The following NTRK1 variants were observed in gnomAD, a reference collection of about 807,000 sequenced individuals.
NTRK1 encodes the protein high affinity nerve growth factor receptor.
In NTRK1, 62 loss-of-function variants were observed where a neutral mutation model predicts 86.8. That is an observed-to-expected ratio of 0.71 (90% CI 0.58 to 0.88). The LOEUF is 0.88. Ranked by LOEUF, NTRK1 falls within the 40% of genes least tolerant of loss-of-function variation. The pLI, the probability that NTRK1 is intolerant of heterozygous loss-of-function variation, is 0.00. For synonymous variants in NTRK1, 469 were observed against 456.6 expected (o/e 1.03, Z -0.35); for missense variants, 967 against 1,078.4 (o/e 0.90, Z 1.45).
At chr1:156,864,108 G>C (rs1216157591) in intron 1 of NTRK1, among the ~76,000 whole-genome samples, 1 of 152,114 alleles carries the variant, frequency 6.6e-6, no homozygotes, top group East Asian at 1.9e-4. Context: ...TGAGGGTGTG[G>C]GGATCCATAT....
At position 156,833,758 on chromosome 1, in the gene NTRK1, G is replaced by A. The variant is rs763616895; in HGVS notation, c.-63-8323G>A. Among the ~76,000 whole-genome samples the A allele has an allele frequency of 3.9e-5, 6 of 152,160 alleles. No individual in the cohort carries two copies. In the East Asian group the frequency reaches 5.8e-4, roughly 15 times the overall value. ...CCACACTTCCCAGACTCCTTTGCCC[G>A]TTCTGTTAGGTTCTGCCAGTAGCAG... On this transcript the variant is annotated intron_variant, in intron 1 of 16. Coordinates refer to the NTRK1 transcript ENST00000392302.
chr1:156,831,627 G>A (rs1654468502), intron 1 of NTRK1, among the ~76,000 whole-genome samples: 1 of 152,120 alleles, frequency 6.6e-6, no homozygotes, highest in African/African-American at 2.4e-5. Flanking sequence ...AAGTCATCAG[G>A]GAGGGAAACT....
At chr1:156,849,041 G>C in intron 2 of NTRK1, 1 of 1,613,156 alleles carries the variant, frequency 6.2e-7, no homozygotes, top group Non-Finnish European at 8.5e-7. Flanking sequence ...CAGGGTGCGA[G>C]TCTGGCCTGG....
chr1:156,844,047 G>A (rs1361300915), intron 2 of NTRK1: 4 of 676,762 alleles, frequency 5.9e-6, no homozygotes, highest in Admixed American at 2.7e-5. Context: ...CTGTGCCACC[G>A]CAGGGGAAGA....
chr1:156,860,226 C>A (rs926575683), upstream of NTRK1, among the ~76,000 whole-genome samples: 12 of 152,174 alleles, frequency 7.9e-5, no homozygotes, highest in African/African-American at 2.9e-4. Flanking sequence ...CCAGCGCGGG[C>A]GGGGAGCTCG....
intron 1 of NTRK1, among the ~76,000 whole-genome samples, chr1:156,829,945 G>C (rs1481226032): frequency 1.3e-5 from 2 of 152,204 alleles, no homozygotes; most frequent in Non-Finnish European, 2.9e-5. Context: ...GAGCCACTAC[G>C]CTTGGCCCAG....
chr1:156,829,722 G>A (rs529962819), intron 1 of NTRK1, among the ~76,000 whole-genome samples: 2 of 152,052 alleles, frequency 1.3e-5, no homozygotes, highest in Admixed American at 1.3e-4. Context: ...GCACGATCTC[G>A]GCTCACGCAA....
At chr1:156,851,601 G>A (rs753138444) in intron 2 of NTRK1, 2 of 1,613,576 alleles carry the variant, frequency 1.2e-6, no homozygotes, top group Non-Finnish European at 1.7e-6. Context: ...CTGGGAGGAA[G>A]GGTATGACCA....
Position 156,870,032 on chromosome 1 carries a change from T to C in NTRK1, c.717+1385T>C, listed in dbSNP as rs1647460056. 2.6e-5 allele frequency among the ~76,000 whole-genome samples: 4 copies of C among 152,192 alleles called. No homozygotes were observed. The South Asian group carries it at 8.3e-4, about 32-fold the overall frequency. ...GCCACTGGGGCGCTGAGCAGGGGGC[T>C]TCAGACATGGTGGAGGGACAACTAG... On this transcript the variant is annotated intron_variant, in intron 6 of 16. Transcript: ENST00000524377.
At chr1:156,816,213 A>G in intron 1 of NTRK1, 8 of 1,440,822 alleles carry the variant, frequency 5.6e-6, no homozygotes, top group Non-Finnish European at 7.3e-6. Flanking sequence ...TAACGACAGG[A>G]AAAACGCAGA....
intron 2 of NTRK1, among the ~76,000 whole-genome samples, chr1:156,848,606 G>A (rs1355303842): frequency 2.6e-5 from 4 of 152,212 alleles, no homozygotes; most frequent in Non-Finnish European, 5.9e-5. Context: ...GGGCAGGAGC[G>A]TGTGGTCAGT....
intron 1 of NTRK1, 90 bp downstream of exon 1, chr1:156,861,236 A>G: frequency 7.7e-6 from 11 of 1,422,782 alleles, no homozygotes; most frequent in South Asian, 1.3e-5. Context: ...TTTGCTGGTC[A>G]GGCAGGACGA....
intron 1 of NTRK1, among the ~76,000 whole-genome samples, chr1:156,834,104 A>G (rs534804275): frequency 2.6e-4 from 39 of 152,158 alleles, no homozygotes; most frequent in Non-Finnish European, 5.3e-4. Context: ...TGTTTTCCTA[A>G]GGGGACGCCT....
chr1:156,858,005 C>T (rs1655470886), upstream of NTRK1, among the ~76,000 whole-genome samples: 1 of 152,154 alleles, frequency 6.6e-6, no homozygotes, highest in South Asian at 2.1e-4. Flanking sequence ...CAGTCTTCCC[C>T]CAAAACCAGC....
chr1:156,858,727 G>A, upstream of NTRK1: 3 of 916,434 alleles, frequency 3.3e-6, no homozygotes, highest in Non-Finnish European at 5.4e-6. Flanking sequence ...TCAGATAGGA[G>A]AGGGAGGGCA....
At chr1:156,859,525 C>CT (rs1278625486), upstream of NTRK1, among the ~76,000 whole-genome samples, 14 of 152,172 alleles carry the variant, frequency 9.2e-5, no homozygotes, top group Non-Finnish European at 2.1e-4. The surrounding 1 kb of genome is among the most constrained non-coding windows in gnomAD (Gnocchi z 6.2). Context: ...AGCCCTTGGC[C>CT]TCTGGGAGCC....
Position 156,860,968 on chromosome 1 carries a change from T to A in NTRK1, c.34T>A (p.Trp12Arg), listed in dbSNP as rs750297580. ...LRGGRRGQLG[W>R]HSWAAGPGSL... ...AGGCGGACGGCGCGGGCAGCTTGGC[T>A]GGCACAGCTGGGCTGCGGGGCCGGG... Residue 12 changes from tryptophan to arginine, a missense_variant, in exon 1 of 17, where the codon TGG becomes AGG. Physicochemically the swap from Trp to Arg is moderately radical, Grantham distance 101. Around this residue, in one of 2 missense-constraint regions of NTRK1, gnomAD observed 330 missense variants for 302.0 expected, o/e 1.09. Transcript: ENST00000524377. The A allele has an allele frequency of 6.6e-7, 1 of 1,514,074 alleles. No homozygotes were observed. Among genetic ancestry groups the A allele is most frequent in the South Asian group, 1.2e-5 (1 of 81,558 alleles). The allele number at this position is 1,514,074 out of a possible 1,614,324, so 93.8% of individuals were successfully genotyped here.
At chr1:156,824,249 G>A (rs1342491614) in intron 1 of NTRK1, among the ~76,000 whole-genome samples, 1 of 152,184 alleles carries the variant, frequency 6.6e-6, no homozygotes, top group Non-Finnish European at 1.5e-5. Context: ...TATGCTTGCA[G>A]CTCTGATCCC....
chr1:156,826,670 GT>G (rs1000967980), intron 1 of NTRK1, among the ~76,000 whole-genome samples: 8 of 152,198 alleles, frequency 5.3e-5, no homozygotes, highest in African/African-American at 1.9e-4. Flanking sequence ...AATCCAGGAT[GT>G]TTTTCTAACC....
Sources: allele counts gnomAD v4.1 joint callset (sites outside exome capture counted in the v4.1 genomes callset), GRCh38; gene constraint gnomAD v4.1.1; regional missense constraint gnomAD v4.1.1; non-coding constraint Gnocchi (gnomAD v3.1); transcripts MANE v1.5; gene names NCBI Gene and HGNC (gene_info 2026-07-23, HGNC 2026-07-21).